Variants in BCAS3 observed in about 807,000 individuals in gnomAD.
The protein encoded by BCAS3 is BCAS4/BCAS3 fusion.
BCAS3 carries 53 observed loss-of-function variants against 116.1 expected under a neutral mutation model. The ratio of observed to expected loss-of-function variants is 0.46; its 90% confidence interval spans 0.37 to 0.57. The LOEUF is 0.57. Among genes scored for constraint, BCAS3 ranks in the 20% least tolerant of loss-of-function variants. BCAS3 has a pLI of 0.00. For missense variants in BCAS3, 917 were observed against 1,165.4 expected, an observed-to-expected ratio of 0.79 and a Z score of 3.10; for synonymous variants, 391 against 408.2, an observed-to-expected ratio of 0.96 and a Z score of 0.51.
chr17:60,973,586 A>AATATATATATATATATATATAT lies in BCAS3; in HGVS notation c.1222-16384_1222-16363dup, dbSNP rs34671111. Reference sequence around the variant, plus strand: ...TAGACATTGCTATTACCTTATTATTAATATATATATATATATATATATGTA... The same window carrying AATATATATATATATATATATAT: ...TAGACATTGCTATTACCTTATTATTAATATATATATATATATATATATATATATATATATATATATATATGTA... On this transcript the variant is annotated intron_variant, in intron 14 of 23. Transcript: ENST00000407086. Among the ~76,000 whole-genome samples the AATATATATATATATATATATAT allele has an allele frequency of 7.2e-5, 10 of 137,972 alleles. 1 individual carries two copies. Among genetic ancestry groups the AATATATATATATATATATATAT allele is most frequent in the African/African-American group, 2.9e-4 (10 of 34,900 alleles). The allele number at this position is 137,972 out of a possible 152,430, so 90.5% of individuals were successfully genotyped here. A position where few individuals can be genotyped will look rare whatever the true frequency, so the allele number is the denominator to read the frequency against.
chr17:60,728,986 T>C (rs1207030957), intron 5 of BCAS3, among the ~76,000 whole-genome samples: 1 of 152,200 alleles, frequency 6.6e-6, no homozygotes, highest in African/African-American at 2.4e-5. Flanking sequence ...AATTTTCCAG[T>C]CAATATTTCT....
intron 4 of BCAS3, among the ~76,000 whole-genome samples, chr17:60,707,121 A>G (rs572939444): frequency 6.6e-6 from 1 of 151,774 alleles, no homozygotes; most frequent in East Asian, 1.9e-4. Context: ...CCTCCCGTGT[A>G]GCTGGGATTA....
At chr17:60,807,949 G>A in intron 6 of BCAS3, 55 bp from the exon 7 acceptor site, 1 of 1,233,954 alleles carries the variant, frequency 8.1e-7, no homozygotes, top group Non-Finnish European at 1.2e-6. Context: ...AAAATAGTGG[G>A]AATTATACAA....
chr17:60,755,825 T>C (rs891063801), intron 6 of BCAS3, among the ~76,000 whole-genome samples: 36 of 152,198 alleles, frequency 2.4e-4, no homozygotes, highest in Non-Finnish European at 3.5e-4. Context: ...GATACAAATA[T>C]TTTACATGTT....
intron 7 of BCAS3, among the ~76,000 whole-genome samples, chr17:60,838,463 T>C (rs1363371929): frequency 6.6e-6 from 1 of 151,706 alleles, no homozygotes; most frequent in African/African-American, 2.4e-5. Flanking sequence ...GATCTCATAT[T>C]TCCCCACAAC....
Position 61,379,738 on chromosome 17 carries a change from G to T in BCAS3, c.2593+11244G>T, listed in dbSNP as rs1041732075. The T allele has an allele frequency of 2.6e-5, 4 of 152,278 alleles. No individual in the cohort carries two copies. Among genetic ancestry groups the T allele is most frequent in the Admixed American group, 2.6e-4 (4 of 15,284 alleles). 9.4% of individuals were successfully genotyped at this position (152,278 alleles called of 1,614,324 possible). ...CTGTTACCCACATATGTTTTATGGG[G>T]TGTAGCCCGCTAGCTTGCAGTTCCA... is the stretch of plus-strand genomic sequence containing the variant. On this transcript the variant is annotated intron_variant, in intron 23 of 23. Coordinates refer to ENST00000407086, the MANE Select transcript of BCAS3 (RefSeq NM_017679.5). The surrounding 1 kb of genome is among the most constrained non-coding windows in gnomAD (Gnocchi z 5.5).
At chr17:60,912,299 A>G (rs986306125) in intron 12 of BCAS3, among the ~76,000 whole-genome samples, 1 of 152,134 alleles carries the variant, frequency 6.6e-6, no homozygotes, top group Non-Finnish European at 1.5e-5. Flanking sequence ...TCAGAGCACT[A>G]TGCTTAGAAA....
intron 22 of BCAS3, among the ~76,000 whole-genome samples, chr17:61,086,253 C>T (rs1343504899): frequency 2.0e-5 from 3 of 152,122 alleles, no homozygotes; most frequent in Admixed American, 1.3e-4. Flanking sequence ...ACACCACACC[C>T]AGCTAGTTTT....
intron 6 of BCAS3, among the ~76,000 whole-genome samples, chr17:60,777,654 A>G (rs1471280954): frequency 6.6e-6 from 1 of 152,030 alleles, no homozygotes; most frequent in African/African-American, 2.4e-5. Flanking sequence ...AAGAAACTTA[A>G]AAACTCACAG....
intron 7 of BCAS3, among the ~76,000 whole-genome samples, chr17:60,829,859 T>G (rs978476342): frequency 7.2e-5 from 11 of 152,038 alleles, no homozygotes; most frequent in African/African-American, 1.7e-4. Context: ...AGGAGTCTTA[T>G]GAGATTGCCT....
intron 14 of BCAS3, among the ~76,000 whole-genome samples, chr17:60,982,985 C>A (rs1852474779): frequency 6.6e-6 from 1 of 152,168 alleles, no homozygotes; most frequent in African/African-American, 2.4e-5. Flanking sequence ...CTATTCACAT[C>A]TGCTTAGTTC....
At chr17:61,209,761 C>T (rs563143932) in intron 22 of BCAS3, among the ~76,000 whole-genome samples, 2 of 152,250 alleles carry the variant, frequency 1.3e-5, no homozygotes, top group East Asian at 3.9e-4. Flanking sequence ...CAGGGAAGGA[C>T]CTTCAATAGA....
At chr17:60,862,634 C>T (rs6504003) in intron 7 of BCAS3, among the ~76,000 whole-genome samples, 43,425 of 151,968 alleles carry the variant, frequency 0.29, 9,929 homozygotes, top group African/African-American at 0.64. Context: ...TGCATCATCA[C>T]TGTTGAGTCA....
intron 16 of BCAS3, among the ~76,000 whole-genome samples, chr17:61,024,392 T>C (rs746839246): frequency 6.6e-6 from 1 of 152,162 alleles, no homozygotes; most frequent in Non-Finnish European, 1.5e-5. Flanking sequence ...CAGTTCCCTT[T>C]CTCCTTGAGT....
chr17:61,310,442 TA>T (rs1398366209), intron 22 of BCAS3, among the ~76,000 whole-genome samples: 1 of 151,770 alleles, frequency 6.6e-6, no homozygotes, highest in Non-Finnish European at 1.5e-5. Context: ...TAATCCCAGT[TA>T]CCTGGGAGGC....
chr17:61,059,063 C>CTTTTTTTTTTTTTTTTTTTTTTT (rs869090870), intron 19 of BCAS3, among the ~76,000 whole-genome samples: 9 of 32,802 alleles, frequency 2.7e-4, no homozygotes, highest in Non-Finnish European at 3.8e-4. Context: ...TTCTCCCCAT[C>CTTTTTTTTTTTTTTTTTTTTTTT]TTTTTTTTTT....
intron 21 of BCAS3, among the ~76,000 whole-genome samples, chr17:61,079,722 A>G (rs2072375897): frequency 6.6e-6 from 1 of 151,256 alleles, no homozygotes; most frequent in Non-Finnish European, 1.5e-5. Context: ...TAGGCTCTTG[A>G]GTAGCTGGGA....
intron 22 of BCAS3, among the ~76,000 whole-genome samples, chr17:61,293,027 C>A (rs975723552): frequency 6.6e-6 from 1 of 152,078 alleles, no homozygotes; most frequent in African/African-American, 2.4e-5. Context: ...TATCATTTGA[C>A]ATATGTATAA....
chr17:61,002,139 C>T lies in BCAS3; in HGVS notation c.1486+11904C>T, dbSNP rs145176126. On this transcript the variant is annotated intron_variant, in intron 15 of 23. Transcript: ENST00000407086. ...TTAAAGGAAACCTGATATTATATTG[C>T]CTCTAAATTATACTTTAAAATTTAG... Among the ~76,000 whole-genome samples, 47 of 151,912 alleles carry T rather than the reference C, an allele frequency of 3.1e-4. 1 individual carries two copies. The highest frequency in any genetic ancestry group is 1.0e-3 in the African/African-American group (42 of 41,478).
Sources: gnomAD v4.1 joint callset for allele counts (sites outside exome capture counted in the v4.1 genomes callset) on GRCh38, gnomAD v4.1.1 for gene constraint, Gnocchi (gnomAD v3.1) non-coding constraint, MANE v1.5 for transcripts, NCBI Gene and HGNC (gene_info 2026-07-23, HGNC 2026-07-21) for gene names.